Variants in AOX1 observed in about 807,000 individuals in gnomAD.
The protein encoded by AOX1 is aldehyde oxidase 1, also known as aldehyde oxidase.
In AOX1, 153 loss-of-function variants were observed where a neutral mutation model predicts 169.5. That is an observed-to-expected ratio of 0.90 (90% CI 0.79 to 1.03). The LOEUF (loss-of-function observed/expected upper bound fraction) is 1.03, where lower values mean the gene tolerates loss of function less well. Among genes scored for constraint, AOX1 ranks in the 50% least tolerant of loss-of-function variants. The probability of loss-of-function intolerance (pLI) is 0.00; values close to 1 mark genes in which losing one functional copy is unlikely to be tolerated. For synonymous variants in AOX1, 562 were observed against 581.9 expected, an observed-to-expected ratio of 0.97 and a Z score of 0.49; for missense variants, 1,656 against 1,663.9, an observed-to-expected ratio of 1.00 and a Z score of 0.08.
intron 16 of AOX1, among the ~76,000 whole-genome samples, chr2:200,620,383 T>TG (rs56365733): frequency 0.34 from 51,475 of 151,514 alleles, 8,849 homozygotes; most frequent in South Asian, 0.4. Flanking sequence ...TGTTTTGTTT[T>TG]TTTTTAGTAG....
At chr2:200,644,999 G>A (rs762656181) in intron 25 of AOX1, among the ~76,000 whole-genome samples, 3 of 151,992 alleles carry the variant, frequency 2.0e-5, no homozygotes, top group East Asian at 1.9e-4. Context: ...AAACAGTGAC[G>A]GTTTGACTTC....
At chr2:200,667,760 G>T (rs2035948827) in intron 32 of AOX1, among the ~76,000 whole-genome samples, 1 of 152,026 alleles carries the variant, frequency 6.6e-6, no homozygotes, top group African/African-American at 2.4e-5. Context: ...GCCAGGGGTG[G>T]GTGGAGGGCT....
chr2:200,656,788 A>G (rs2035695365), intron 26 of AOX1, 54 bp from the exon 27 acceptor site: 3 of 1,243,466 alleles, frequency 2.4e-6, no homozygotes, highest in South Asian at 3.4e-5. Flanking sequence ...AATTGACACG[A>G]TATGTGATAA....
intron 31 of AOX1, among the ~76,000 whole-genome samples, chr2:200,663,596 T>TCTCTCC (rs141563329): frequency 0.12 from 18,149 of 147,788 alleles, 1,302 homozygotes; most frequent in African/African-American, 0.17. Context: ...TCTCTCTCTC[T>TCTCTCC]CCCCCTCTTT....
intron 4 of AOX1, among the ~76,000 whole-genome samples, chr2:200,599,075 T>C (rs1235592020): frequency 1.3e-5 from 2 of 152,176 alleles, no homozygotes; most frequent in Non-Finnish European, 2.9e-5. Flanking sequence ...GAAGACAGCT[T>C]CCAAAATCGA....
At position 200,631,345 on chromosome 2, in the gene AOX1, G is replaced by T. The variant is rs151248081; in HGVS notation, c.2222-3446G>T. ...TTATCTCATTAAAATTCTGTTAGCT[G>T]GGATGTGCTTTATACTGGAGAGCAC... On this transcript the variant is annotated intron_variant, in intron 20 of 34. Transcript: ENST00000374700. Among the ~76,000 whole-genome samples, 401 of 152,288 alleles carry T rather than the reference G, an allele frequency of 2.6e-3. 6 individuals are homozygous for T. Among genetic ancestry groups the T allele is most frequent in the African/African-American group, 9.2e-3 (384 of 41,548 alleles).
At position 200,599,807 on chromosome 2, in the gene AOX1, C is replaced by T. The variant is rs144809932; in HGVS notation, c.436+61C>T. On this transcript the variant is annotated intron_variant, in intron 5 of 34. Coordinates refer to ENST00000374700, the MANE Select transcript of AOX1 (RefSeq NM_001159.4). Reference sequence around the variant, plus strand: ...TTATTTATTTATTTATTTTTTGAGACGGAATCTCACTCTGTTGCCCGGGCT... The same window carrying T: ...TTATTTATTTATTTATTTTTTGAGATGGAATCTCACTCTGTTGCCCGGGCT... 13 of 1,268,114 alleles carry T rather than the reference C, an allele frequency of 1.0e-5. No individual in the cohort carries two copies. The Admixed American group carries it at 1.1e-4, about 11-fold the overall frequency. 78.6% of individuals were successfully genotyped at this position (1,268,114 alleles called of 1,614,324 possible).
intron 25 of AOX1, 103 bp from the exon 26 acceptor site, chr2:200,650,871 G>T: frequency 9.9e-7 from 1 of 1,012,972 alleles, no homozygotes; most frequent in Non-Finnish European, 1.5e-6. Flanking sequence ...AACTTGGCTT[G>T]GACCTTACAG....
In AOX1 at chr2:200,595,373, C is replaced by T. The variant is rs199752491; in HGVS notation, c.200+5C>T. 8.0e-5 allele frequency: 129 copies of T among 1,604,090 alleles called. No individual in the cohort carries two copies. The East Asian group carries it at 1.4e-3, about 17-fold the overall frequency. ...CCCCATCACCAAGAGGATAAGGTAC[C>T]GTGCAGCAAAGTCCAGATATGGTTG... On this transcript the variant is annotated splice_donor_5th_base_variant and intron_variant, in intron 3 of 34. Transcript: ENST00000374700.
At chr2:200,589,097 C>A (rs1245006839) in intron 1 of AOX1, among the ~76,000 whole-genome samples, 1 of 152,092 alleles carries the variant, frequency 6.6e-6, no homozygotes. Flanking sequence ...AGAAGTGAAG[C>A]CACTTAGGAG....
At position 200,622,480 on chromosome 2, in the gene AOX1, C is replaced by T. The variant is rs557048693; in HGVS notation, c.2001+1234C>T. ...TGAAACAGTCCCTTCCTCTGGCTCT[C>T]CTTGGAAGATACTCCCTTGAAGATA... On this transcript the variant is annotated intron_variant, in intron 18 of 34. Coordinates refer to ENST00000374700, the MANE Select transcript of AOX1 (RefSeq NM_001159.4). 5.9e-5 allele frequency among the ~76,000 whole-genome samples: 9 copies of T among 152,320 alleles called. No individual in the cohort carries two copies. In the South Asian group the frequency reaches 1.9e-3, roughly 32 times the overall value.
intron 4 of AOX1, 23 bp downstream of exon 4, chr2:200,597,528 T>A (rs755961682): frequency 1.9e-6 from 3 of 1,548,072 alleles, no homozygotes; most frequent in Non-Finnish European, 2.7e-6. Flanking sequence ...CTCTTCCTTA[T>A]AGGCTTTCTG....
intron 1 of AOX1, among the ~76,000 whole-genome samples, chr2:200,588,458 T>TAA (rs1178901834): frequency 2.6e-5 from 4 of 152,190 alleles, no homozygotes; most frequent in Non-Finnish European, 5.9e-5. Flanking sequence ...ATTTTTAACA[T>TAA]AATGGCCAAC....
At position 200,659,786 on chromosome 2, in the gene AOX1, TCACACACACA is replaced by T. The variant is rs56916091; in HGVS notation, c.3301-179_3301-170del. 5.1e-4 allele frequency among the ~76,000 whole-genome samples: 49 copies of T among 96,214 alleles called. 1 individual carries two copies. The highest frequency in any genetic ancestry group is 1.3e-3 in the African/African-American group (36 of 26,860). The allele number at this position is 96,214 out of a possible 152,430, so 63.1% of individuals were successfully genotyped here. A position where few individuals can be genotyped will look rare whatever the true frequency, so the allele number is the denominator to read the frequency against. ...TGGCTTACAAGGCCAGTTCTCTCTCTCACACACACACACACACACACACACACACACACAC... is the reference window on the plus strand; with the variant it reads ...TGGCTTACAAGGCCAGTTCTCTCTCTCACACACACACACACACACACACAC... On this transcript the variant is annotated intron_variant, in intron 28 of 34. Coordinates refer to ENST00000374700, the MANE Select transcript of AOX1 (RefSeq NM_001159.4).
intron 2 of AOX1, among the ~76,000 whole-genome samples, chr2:200,594,636 C>T (rs986027750): frequency 6.6e-6 from 1 of 152,190 alleles, no homozygotes; most frequent in African/African-American, 2.4e-5. Context: ...ACACTCTTCT[C>T]CTGGAAGTCA....
At chr2:200,665,380 T>C (rs2035906946) in intron 31 of AOX1, among the ~76,000 whole-genome samples, 1 of 152,168 alleles carries the variant, frequency 6.6e-6, no homozygotes. Flanking sequence ...ATCCACTCTC[T>C]CCAGTCCTAA....
intron 33 of AOX1, 110 bp downstream of exon 33, chr2:200,668,913 GAA>G (rs2035975013): frequency 1.0e-5 from 9 of 887,378 alleles, no homozygotes; most frequent in Middle Eastern, 2.7e-4. Flanking sequence ...GATTGCAGAA[GAA>G]AAATTCTTAT....
At chr2:200,621,700 T>C (rs1361698088) in intron 18 of AOX1, among the ~76,000 whole-genome samples, 29 of 90,026 alleles carry the variant, frequency 3.2e-4, no homozygotes, top group African/African-American at 1.2e-3. Context: ...CTCTCTCAAT[T>C]TATTCTGATT....
intron 1 of AOX1, among the ~76,000 whole-genome samples, chr2:200,591,117 A>G (rs2034163131): frequency 6.6e-6 from 1 of 152,198 alleles, no homozygotes; most frequent in Admixed American, 6.5e-5. Context: ...CATACATAGC[A>G]TGTTCCAGTC....
Sources: allele counts gnomAD v4.1 joint callset (sites outside exome capture counted in the v4.1 genomes callset), GRCh38; gene constraint gnomAD v4.1.1; transcripts MANE v1.5; gene names NCBI Gene and HGNC (gene_info 2026-07-23, HGNC 2026-07-21).